Variants in SAMHD1 observed in about 807,000 individuals in gnomAD.
SAMHD1 encodes the protein SAM and HD domain containing deoxynucleoside triphosphate triphosphohydrolase 1.
Under a neutral mutation model 79.6 loss-of-function variants are expected in SAMHD1, and 54 were observed. That is an observed-to-expected ratio of 0.68 (90% CI 0.55 to 0.85). The LOEUF (loss-of-function observed/expected upper bound fraction) is 0.85, where lower values mean the gene tolerates loss of function less well. Among genes scored for constraint, SAMHD1 ranks in the 40% least tolerant of loss-of-function variants. The pLI, the probability that SAMHD1 is intolerant of heterozygous loss-of-function variation, is 0.00. For missense variants in SAMHD1, 663 were observed against 782.7 expected, an observed-to-expected ratio of 0.85 and a Z score of 1.82; for synonymous variants, 260 against 264.1, an observed-to-expected ratio of 0.98 and a Z score of 0.15.
intron 5 of SAMHD1, among the ~76,000 whole-genome samples, chr20:36,928,415 G>A (rs999371196): frequency 1.3e-5 from 2 of 151,984 alleles, no homozygotes; most frequent in African/African-American, 2.4e-5. Flanking sequence ...GGCTGGGCGC[G>A]GTGGCTCATG....
At chr20:36,909,926 A>T (rs1186302581) in intron 11 of SAMHD1, among the ~76,000 whole-genome samples, 6 of 151,834 alleles carry the variant, frequency 4.0e-5, no homozygotes, top group African/African-American at 4.8e-5. Context: ...TACAAAAATT[A>T]AAAAAATTAC....
rs182734212 is a variant in SAMHD1, at chr20:36,921,584, A to T, written c.697-2065T>A. ...ATACACTATGAAGGATGCATCACTG[A>T]TTTTTTTGGAGACAGAGTCTAGCTC... On this transcript the variant is annotated intron_variant, in intron 6 of 15. Coordinates refer to ENST00000646673, the MANE Select transcript of SAMHD1 (RefSeq NM_015474.4). Among the ~76,000 whole-genome samples, 285 of 151,692 alleles carry T rather than the reference A, an allele frequency of 1.9e-3. 1 individual carries two copies. Among genetic ancestry groups the T allele is most frequent in the African/African-American group, 6.4e-3 (265 of 41,360 alleles).
intron 9 of SAMHD1, among the ~76,000 whole-genome samples, chr20:36,912,901 T>TTG (rs1555833574): frequency 2.6e-4 from 34 of 133,056 alleles, no homozygotes; most frequent in African/African-American, 9.6e-4. Context: ...TTTTTTTTTT[T>TTG]TTTTTTTTTT....
intron 11 of SAMHD1, among the ~76,000 whole-genome samples, chr20:36,909,706 AACC>A (rs1379748329): frequency 1.4e-5 from 2 of 144,662 alleles, no homozygotes; most frequent in East Asian, 4.0e-4. Flanking sequence ...AAAAAAAAAG[AACC>A]ACCTTTACCC....
intron 9 of SAMHD1, among the ~76,000 whole-genome samples, chr20:36,912,901 T>TTTG (rs1555833575): frequency 7.5e-6 from 1 of 133,002 alleles, no homozygotes; most frequent in Non-Finnish European, 1.6e-5. Flanking sequence ...TTTTTTTTTT[T>TTTG]TTTTTTTTTT....
intron 4 of SAMHD1, among the ~76,000 whole-genome samples, chr20:36,932,304 T>C (rs1601142200): frequency 7.1e-6 from 1 of 141,718 alleles, no homozygotes; most frequent in Non-Finnish European, 1.5e-5. Flanking sequence ...TGAGCCGAGA[T>C]TGCGCCATTG....
At chr20:36,915,600 G>A (rs532146978) in intron 9 of SAMHD1, among the ~76,000 whole-genome samples, 1 of 152,080 alleles carries the variant, frequency 6.6e-6, no homozygotes, top group East Asian at 1.9e-4. Context: ...AGCTGGGCGT[G>A]GTAGCATGCA....
intron 4 of SAMHD1, 34 bp from the exon 5 acceptor site, chr20:36,930,909 G>A (rs1006117902): frequency 7.0e-7 from 1 of 1,418,454 alleles, no homozygotes; most frequent in African/African-American, 1.4e-5. Context: ...TCACTTTTCT[G>A]TTTGCAAGAG....
At chr20:36,934,517 C>T (rs1445265966) in intron 4 of SAMHD1, 1 of 53,986 alleles carries the variant, frequency 1.9e-5, no homozygotes, top group South Asian at 1.1e-3. Context: ...GACTCTGTCT[C>T]AAAAAAAAAA....
At chr20:36,939,319 G>C (rs6513797) in intron 3 of SAMHD1, among the ~76,000 whole-genome samples, 30,032 of 148,650 alleles carry the variant, frequency 0.2, 3,566 homozygotes, top group African/African-American at 0.33. Context: ...TAGGCCAGAC[G>C]TGTTGGCTCA....
chr20:36,902,179 T>G (rs773743666), intron 13 of SAMHD1, among the ~76,000 whole-genome samples: 1 of 151,960 alleles, frequency 6.6e-6, no homozygotes, highest in Admixed American at 6.6e-5. Context: ...TGATGATGAT[T>G]ATTAGTAGTA....
chr20:36,905,517 G>C lies in SAMHD1; in HGVS notation c.1271-14C>G, dbSNP rs201790259. ...GAAAAATGTTATCTGCCAATTTAAT[G>C]ACATTTCAGTTATATTAAAATAAAA... On this transcript the variant is annotated splice_polypyrimidine_tract_variant and intron_variant, in intron 11 of 15. Transcript: ENST00000646673. 1.3e-6 allele frequency: 2 copies of C among 1,579,898 alleles called. No homozygotes were observed. Among genetic ancestry groups the C allele is most frequent in the Non-Finnish European group, 8.7e-7 (1 of 1,149,522 alleles).
intron 5 of SAMHD1, among the ~76,000 whole-genome samples, chr20:36,928,541 C>T (rs530611265): frequency 9.2e-5 from 14 of 151,596 alleles, no homozygotes; most frequent in African/African-American, 2.4e-4. Flanking sequence ...AAAAATTAGG[C>T]GGGTGTGGTG....
intron 2 of SAMHD1, 64 bp from the exon 3 acceptor site, chr20:36,941,175 T>C (rs937313964): frequency 6.5e-6 from 7 of 1,071,066 alleles, no homozygotes; most frequent in East Asian, 2.4e-5. Flanking sequence ...CTGCAGTATA[T>C]AGTAGACATA....
intron 3 of SAMHD1, among the ~76,000 whole-genome samples, chr20:36,936,137 G>C (rs949642767): frequency 6.6e-6 from 1 of 151,844 alleles, no homozygotes; most frequent in East Asian, 1.9e-4. Flanking sequence ...TACTCTAGAG[G>C]CTGAGGTAGG....
chr20:36,936,385 A>G (rs1172049480), intron 3 of SAMHD1, among the ~76,000 whole-genome samples: 1 of 152,040 alleles, frequency 6.6e-6, no homozygotes, highest in African/African-American at 2.4e-5. Context: ...CACAGGCACA[A>G]TCATAGCTTA....
chr20:36,950,881 C>T (rs1047809936), intron 1 of SAMHD1, among the ~76,000 whole-genome samples: 2 of 152,142 alleles, frequency 1.3e-5, no homozygotes, highest in African/African-American at 4.8e-5. Context: ...GGGAGGAAAC[C>T]GAAACCTAAA....
chr20:36,927,228 A>AC lies in SAMHD1; in HGVS notation c.649_650insG (p.Phe217CysfsTer2), dbSNP rs515726146. On this transcript the variant is annotated frameshift_variant, in exon 6 of 16. Transcript: ENST00000646673. LOFTEE classifies it high-confidence loss of function. Reference sequence around the variant, plus strand: ...AGCAAGTGGAATAAATCGTCCATCAAACATGTGAGAAAATGGCCCATGACC... The same window carrying AC: ...AGCAAGTGGAATAAATCGTCCATCAACACATGTGAGAAAATGGCCCATGACC... 5 of 1,613,984 alleles carry AC rather than the reference A, an allele frequency of 3.1e-6. No individual in the cohort carries two copies. Among genetic ancestry groups the AC allele is most frequent in the Non-Finnish European group, 8.5e-7 (1 of 1,180,000 alleles).
chr20:36,938,561 G>GCA (rs2063619519), intron 3 of SAMHD1, among the ~76,000 whole-genome samples: 1 of 151,562 alleles, frequency 6.6e-6, no homozygotes, highest in East Asian at 2.0e-4. Flanking sequence ...ACAGGGACAG[G>GCA]CACGGTGGCA....
Sources: gnomAD v4.1 joint callset for allele counts (sites outside exome capture counted in the v4.1 genomes callset) on GRCh38, gnomAD v4.1.1 for gene constraint, MANE v1.5 for transcripts, NCBI Gene and HGNC (gene_info 2026-07-23, HGNC 2026-07-21) for gene names.